The following SHISA9 variants were observed in gnomAD, a reference collection of about 807,000 sequenced individuals.
SHISA9 encodes protein shisa-9.
SHISA9 carries 13 observed loss-of-function variants against 38.0 expected under a neutral mutation model. The ratio of observed to expected loss-of-function variants is 0.34; its 90% CI spans 0.22 to 0.54. The LOEUF is 0.54. Ranked by LOEUF, SHISA9 falls within the 20% of genes least tolerant of loss-of-function variation. SHISA9 has a pLI of 0.91. For missense variants in SHISA9, 538 were observed against 575.8 expected, an observed-to-expected ratio of 0.93 and a Z score of 0.67; for synonymous variants, 275 against 242.0, an observed-to-expected ratio of 1.14 and a Z score of -1.27.
At chr16:13,066,659 T>C (rs2073438600) in intron 2 of SHISA9, among the ~76,000 whole-genome samples, 1 of 152,242 alleles carries the variant, frequency 6.6e-6, no homozygotes, top group South Asian at 2.1e-4. Context: ...CTCATAAGGG[T>C]GTTTTGAGAA....
At chr16:13,186,198 A>T (rs1270552315) in intron 2 of SHISA9, among the ~76,000 whole-genome samples, 1 of 151,312 alleles carries the variant, frequency 6.6e-6, no homozygotes, top group Admixed American at 6.6e-5. Flanking sequence ...AGAATAAAGG[A>T]CATGTATGTG....
At chr16:13,108,120 G>GCC (rs879378533) in intron 2 of SHISA9, among the ~76,000 whole-genome samples, 12 of 151,418 alleles carry the variant, frequency 7.9e-5, no homozygotes, top group African/African-American at 2.2e-4. Context: ...TCCAAAGAGA[G>GCC]CCCCCCTCCG....
intron 2 of SHISA9, among the ~76,000 whole-genome samples, chr16:13,071,388 C>A (rs776360998): frequency 6.6e-6 from 1 of 152,106 alleles, no homozygotes; most frequent in African/African-American, 2.4e-5. Context: ...TGGAATCCTT[C>A]CAACAATTCC....
the SHISA9 span, among the ~76,000 whole-genome samples, chr16:13,301,001 T>C: frequency 6.6e-6 from 1 of 152,122 alleles, no homozygotes; most frequent in Non-Finnish European, 1.5e-5. Context: ...CTTGTCAATA[T>C]TGACTCCTTC....
the SHISA9 span, among the ~76,000 whole-genome samples, chr16:13,447,447 G>A: frequency 6.6e-6 from 1 of 152,204 alleles, no homozygotes; most frequent in Non-Finnish European, 1.5e-5. Flanking sequence ...ATCTCTGGCT[G>A]CACAGTGTGG....
At chr16:13,543,037 C>T in the SHISA9 span, among the ~76,000 whole-genome samples, 2 of 152,192 alleles carry the variant, frequency 1.3e-5, no homozygotes, top group East Asian at 3.9e-4. Flanking sequence ...ATACTGATTT[C>T]CAACGTTTTC....
the SHISA9 span, among the ~76,000 whole-genome samples, chr16:13,545,572 T>G: frequency 3.3e-5 from 5 of 152,180 alleles, no homozygotes; most frequent in African/African-American, 4.8e-5. Context: ...AGCCATTGTT[T>G]CAAACATTGC....
intron 2 of SHISA9, among the ~76,000 whole-genome samples, chr16:12,983,069 C>G (rs2072261662): frequency 6.6e-6 from 1 of 152,186 alleles, no homozygotes. Flanking sequence ...GCTCAAATCT[C>G]CCATGTGGTG....
At chr16:13,197,687 A>C (rs1229678911) in intron 2 of SHISA9, 1 of 152,244 alleles carries the variant, frequency 6.6e-6, no homozygotes, top group Non-Finnish European at 1.5e-5. Flanking sequence ...CAGAAGGGCA[A>C]GTCTTCATTC....
chr16:13,010,608 C>G (rs2072659854), intron 2 of SHISA9, among the ~76,000 whole-genome samples: 1 of 152,168 alleles, frequency 6.6e-6, no homozygotes, highest in African/African-American at 2.4e-5. Flanking sequence ...TCATCAAGTA[C>G]TACTGGGATC....
chr16:12,934,624 G>A (rs968143240), intron 2 of SHISA9, among the ~76,000 whole-genome samples: 1 of 152,114 alleles, frequency 6.6e-6, no homozygotes, highest in Non-Finnish European at 1.5e-5. Context: ...ATGTCTCAAG[G>A]CAATACATTT....
the SHISA9 span, among the ~76,000 whole-genome samples, chr16:13,265,305 CT>C: frequency 8.2e-6 from 1 of 121,236 alleles, no homozygotes; most frequent in Admixed American, 8.2e-5. Flanking sequence ...CTTCCCTCCC[CT>C]CTGCCCTCCT....
the SHISA9 span, among the ~76,000 whole-genome samples, chr16:13,444,223 T>C: frequency 3.3e-5 from 5 of 152,080 alleles, no homozygotes; most frequent in East Asian, 7.7e-4. Flanking sequence ...ATATGAAAAT[T>C]AGCCAGGCGA....
chr16:13,234,853 T>G (rs2051365581), intron 4 of SHISA9, among the ~76,000 whole-genome samples, 177 bp from the exon 5 acceptor site: 2 of 152,210 alleles, frequency 1.3e-5, no homozygotes, highest in Middle Eastern at 3.4e-3. Context: ...AAGGGCATGG[T>G]GCTGCCCTTC....
At chr16:13,434,665 A>G in the SHISA9 span, among the ~76,000 whole-genome samples, 1 of 151,974 alleles carries the variant, frequency 6.6e-6, no homozygotes, top group African/African-American at 2.4e-5. Flanking sequence ...TGATCCGCCC[A>G]CCTCGGCGTC....
the SHISA9 span, among the ~76,000 whole-genome samples, chr16:13,426,169 T>G: frequency 6.6e-6 from 1 of 152,210 alleles, no homozygotes; most frequent in Non-Finnish European, 1.5e-5. Context: ...CAACTTGCTG[T>G]AATCATAATA....
At chr16:13,196,921 A>G (rs2050949237) in intron 2 of SHISA9, among the ~76,000 whole-genome samples, 1 of 152,098 alleles carries the variant, frequency 6.6e-6, no homozygotes, top group Admixed American at 6.5e-5. Flanking sequence ...TGGCGAAACC[A>G]TATCTCCACT....
At chr16:13,455,070 C>T in the SHISA9 span, among the ~76,000 whole-genome samples, 1 of 152,196 alleles carries the variant, frequency 6.6e-6, no homozygotes, top group Non-Finnish European at 1.5e-5. Flanking sequence ...TTAGTTTATT[C>T]AATTTCTACA....
chr16:13,155,753 G>A (rs1365073118), intron 2 of SHISA9, among the ~76,000 whole-genome samples: 1 of 152,080 alleles, frequency 6.6e-6, no homozygotes, highest in Non-Finnish European at 1.5e-5. Context: ...ATTCCATTTG[G>A]TGAAGTCCAT....
Sources: allele counts gnomAD v4.1 joint callset (sites outside exome capture counted in the v4.1 genomes callset), GRCh38; gene constraint gnomAD v4.1.1; transcripts MANE v1.5; gene names NCBI Gene and HGNC (gene_info 2026-07-23, HGNC 2026-07-21).